GLIS3: variants seen among roughly 807,000 people sequenced by gnomAD.
GLIS3 encodes the protein zinc finger protein GLIS3.
GLIS3 carries 53 observed loss-of-function variants against 78.6 expected under a neutral mutation model. That is an observed-to-expected ratio of 0.67 (90% CI 0.54 to 0.85). The LOEUF is 0.85. Ranked by LOEUF, GLIS3 falls within the 40% of genes least tolerant of loss-of-function variation. The pLI, the probability that GLIS3 is intolerant of heterozygous loss-of-function variation, is 0.00. For missense variants in GLIS3, 1,703 were observed against 1,231.1 expected (o/e 1.38, Z -5.74); for synonymous variants, 684 against 509.9 (o/e 1.34, Z -4.60).
At chr9:4,358,634 C>G in the GLIS3 span, among the ~76,000 whole-genome samples, 1 of 152,192 alleles carries the variant, frequency 6.6e-6, no homozygotes, top group African/African-American at 2.4e-5. Context: ...GTTTTGCAGT[C>G]TGTGCACCAC....
intron 2 of GLIS3, among the ~76,000 whole-genome samples, chr9:4,210,827 T>G (rs1820311591): frequency 6.6e-6 from 1 of 152,238 alleles, no homozygotes; most frequent in African/African-American, 2.4e-5. Flanking sequence ...TGCCCACTTC[T>G]GGGCTTTCTC....
intron 4 of GLIS3, among the ~76,000 whole-genome samples, chr9:3,998,601 T>C (rs1252269746): frequency 1.3e-5 from 2 of 151,666 alleles, no homozygotes; most frequent in African/African-American, 4.8e-5. Context: ...CACAAAAATA[T>C]ATATTCAGAG....
At chr9:4,179,575 T>C (rs755302160) in intron 2 of GLIS3, among the ~76,000 whole-genome samples, 4 of 152,174 alleles carry the variant, frequency 2.6e-5, no homozygotes, top group African/African-American at 9.7e-5. Context: ...CACTCTCCCA[T>C]AGACAGAAGA....
intron 4 of GLIS3, among the ~76,000 whole-genome samples, chr9:3,962,927 C>G (rs1408534132): frequency 7.5e-6 from 1 of 133,676 alleles, no homozygotes; most frequent in Non-Finnish European, 1.6e-5. Flanking sequence ...AAATGTCCAA[C>G]AAGATCTGCT....
At chr9:4,345,628 A>G (rs1587397072) in intron 2 of GLIS3, among the ~76,000 whole-genome samples, 2 of 152,172 alleles carry the variant, frequency 1.3e-5, no homozygotes, top group East Asian at 3.9e-4. Flanking sequence ...ATCCTTAAAA[A>G]CTTTAAATGT....
chr9:4,447,158 C>G, the GLIS3 span, among the ~76,000 whole-genome samples: 1 of 152,078 alleles, frequency 6.6e-6, no homozygotes, highest in Non-Finnish European at 1.5e-5. Flanking sequence ...AATGATTCTC[C>G]CACCTTAGCC....
intron 2 of GLIS3, chr9:4,145,109 A>G (rs182711033): frequency 3.9e-5 from 6 of 152,336 alleles, no homozygotes; most frequent in African/African-American, 1.4e-4. Flanking sequence ...GATCCCCCAC[A>G]GGATCTGTGA....
chr9:4,458,442 T>G, the GLIS3 span, among the ~76,000 whole-genome samples: 1 of 151,702 alleles, frequency 6.6e-6, no homozygotes, highest in African/African-American at 2.4e-5. Flanking sequence ...AGTTAGGGAG[T>G]TCCAAGTGAT....
intron 2 of GLIS3, among the ~76,000 whole-genome samples, chr9:4,137,894 C>G (rs1314374806): frequency 6.6e-6 from 1 of 152,200 alleles, no homozygotes; most frequent in Non-Finnish European, 1.5e-5. Flanking sequence ...GCTTCTCCCT[C>G]GACAAATTTT....
At chr9:4,431,528 A>G in the GLIS3 span, among the ~76,000 whole-genome samples, 1 of 152,144 alleles carries the variant, frequency 6.6e-6, no homozygotes, top group African/African-American at 2.4e-5. Context: ...CTTAGTCCAG[A>G]GGCTGGCAAA....
At chr9:4,481,491 A>G in the GLIS3 span, among the ~76,000 whole-genome samples, 2 of 144,858 alleles carry the variant, frequency 1.4e-5, no homozygotes, top group Non-Finnish European at 3.0e-5. Flanking sequence ...AAATTAATTA[A>G]TTAATTAATT....
At chr9:3,843,521 T>TAACA (rs1179615816) in intron 9 of GLIS3, among the ~76,000 whole-genome samples, 12 of 152,218 alleles carry the variant, frequency 7.9e-5, no homozygotes, top group African/African-American at 2.7e-4. Flanking sequence ...GGATCTCTGT[T>TAACA]ATCTCCATCT....
chr9:4,024,490 C>T lies in GLIS3; in HGVS notation c.1711-87301G>A, dbSNP rs565929278. Among the ~76,000 whole-genome samples, 19 of 152,268 alleles carry T rather than the reference C, an allele frequency of 1.2e-4. 1 individual carries two copies. The East Asian group carries it at 3.7e-3, about 29-fold the overall frequency. ...CACAGATGGGGCTGCTCCATGTGGCCACTGCTTAAATCTAATTAGGGCAGA... is the reference window on the plus strand; with the variant it reads ...CACAGATGGGGCTGCTCCATGTGGCTACTGCTTAAATCTAATTAGGGCAGA... On this transcript the variant is annotated intron_variant, in intron 4 of 10. Transcript: ENST00000381971.
At chr9:4,367,320 T>G in the GLIS3 span, among the ~76,000 whole-genome samples, 1 of 152,168 alleles carries the variant, frequency 6.6e-6, no homozygotes, top group Non-Finnish European at 1.5e-5. Flanking sequence ...GGGATAATTG[T>G]GACTTCCCTT....
intron 4 of GLIS3, among the ~76,000 whole-genome samples, chr9:4,001,846 C>G (rs1399770548): frequency 6.6e-6 from 1 of 152,164 alleles, no homozygotes; most frequent in Admixed American, 6.6e-5. Flanking sequence ...TCATTGTTCC[C>G]AAACTGGTCT....
intron 8 of GLIS3, among the ~76,000 whole-genome samples, chr9:3,863,232 T>C (rs1820340998): frequency 6.6e-6 from 1 of 152,248 alleles, no homozygotes; most frequent in Non-Finnish European, 1.5e-5. Context: ...TGGGTGACTA[T>C]AGTATCTACT....
At chr9:4,311,043 T>G (rs763291775) in intron 2 of GLIS3, among the ~76,000 whole-genome samples, 1 of 152,222 alleles carries the variant, frequency 6.6e-6, no homozygotes, top group African/African-American at 2.4e-5. Context: ...GGGGACTTTA[T>G]AGAAGTGCCT....
chr9:4,459,212 G>C, the GLIS3 span, among the ~76,000 whole-genome samples: 2 of 152,198 alleles, frequency 1.3e-5, no homozygotes, highest in African/African-American at 4.8e-5. Flanking sequence ...CTGATGAGAA[G>C]TGGCCATATA....
At chr9:4,339,674 G>A (rs1000990157) in intron 2 of GLIS3, among the ~76,000 whole-genome samples, 4 of 146,252 alleles carry the variant, frequency 2.7e-5, no homozygotes, top group East Asian at 4.2e-4. Context: ...CAAGGGTGGA[G>A]ATGCCACAGT....
Sources: gnomAD v4.1 joint callset for allele counts (sites outside exome capture counted in the v4.1 genomes callset) on GRCh38, gnomAD v4.1.1 for gene constraint, MANE v1.5 for transcripts, NCBI Gene and HGNC (gene_info 2026-07-23, HGNC 2026-07-21) for gene names.